The following ANO7 variants were observed in gnomAD, a reference collection of about 807,000 sequenced individuals.
The protein encoded by ANO7 is anoctamin-7.
Under a neutral mutation model 115.8 loss-of-function variants are expected in ANO7, and 114 were observed. The ratio of observed to expected loss-of-function variants is 0.98; its 90% CI spans 0.85 to 1.15. ANO7 has a LOEUF of 1.15. Ranked by LOEUF, ANO7 falls within the 50% of genes most tolerant of loss-of-function variation. The probability of loss-of-function intolerance (pLI) is 0.00; values close to 1 mark genes in which losing one functional copy is unlikely to be tolerated. For synonymous variants in ANO7, 550 were observed against 498.2 expected (o/e 1.10, Z -1.38); for missense variants, 1,302 against 1,201.2 (o/e 1.08, Z -1.24).
intron 21 of ANO7, among the ~76,000 whole-genome samples, chr2:241,221,364 C>T (rs1380948262): frequency 6.6e-6 from 1 of 150,604 alleles, no homozygotes; most frequent in Non-Finnish European, 1.5e-5. Context: ...GCCTGAGCCA[C>T]CTTTCACGCC....
rs1241305781 is a variant in ANO7, at chr2:241,216,217, T to C, written c.1951T>C (p.Phe651Leu). ...DYELVPCEGL[F>L]DEYLEMVLQF... ...TGAGCTTGTGCCCTGTGAGGGTCTG[T>C]TTGACGAGTACCTGGAAATGGGTAG... Residue 651 changes from phenylalanine (F) to leucine (L), a missense_variant, in exon 19 of 25, where the codon TTT (phenylalanine) becomes CTT (leucine). Phe to Leu is a conservative substitution (Grantham distance 22). Transcript: ENST00000674324. 1 of 1,607,678 alleles carries C rather than the reference T, an allele frequency of 6.2e-7. No homozygotes were observed. The highest frequency in any genetic ancestry group is 1.3e-5 in the African/African-American group (1 of 74,596).
At position 241,224,325 on chromosome 2, in the gene ANO7, G is replaced by A. The variant is rs1005162375; in HGVS notation, c.*172G>A. On this transcript the variant is annotated 3_prime_UTR_variant, in exon 25 of 25. Coordinates refer to ENST00000674324, the MANE Select transcript of ANO7 (RefSeq NM_001370694.2). ...CCCAGCGCCGGCTTCTCTCCTCAGA[G>A]CGCCTGTCACTCCATCCCCGGCAGG... 7 of 694,586 alleles carry A rather than the reference G, an allele frequency of 1.0e-5. No homozygotes were observed. Among genetic ancestry groups the A allele is most frequent in the Admixed American group, 2.8e-5 (1 of 35,734 alleles). 43.0% of individuals were successfully genotyped at this position (694,586 alleles called of 1,614,324 possible). A position where few individuals can be genotyped will look rare whatever the true frequency, so the allele number is the denominator to read the frequency against.
intron 22 of ANO7, 52 bp downstream of exon 22, chr2:241,223,328 T>C (rs1226304783): frequency 1.3e-6 from 2 of 1,595,560 alleles, no homozygotes; most frequent in Non-Finnish European, 1.7e-6. Context: ...GCCCCGACCC[T>C]GTGCTTTGCC....
chr2:241,230,630 T>G (rs1250809550), downstream of ANO7: 11 of 804,492 alleles, frequency 1.4e-5, no homozygotes, highest in Admixed American at 9.1e-5. The surrounding 1 kb of genome is among the most constrained non-coding windows in gnomAD (Gnocchi z 5.0). Context: ...TGAGGACAGT[T>G]CCACTGCCAG....
Position 241,209,569 on chromosome 2 carries a change from G to T in ANO7, c.1293G>T (p.Glu431Asp). The T allele has an allele frequency of 6.2e-7, 1 of 1,603,676 alleles. No individual in the cohort carries two copies. Residue 431 changes from glutamate to aspartate, a missense_variant, in exon 13 of 25, where the codon GAG becomes GAT. Physicochemically the swap from Glu to Asp is conservative, Grantham distance 45 (BLOSUM62 2). Coordinates refer to ENST00000674324, the MANE Select transcript of ANO7 (RefSeq NM_001370694.2). ...CGAACCCCATCACGGGTGAGGACGAGCCCTACTTCCCTGAGAGGAGCCGCG... is the reference window on the plus strand; with the variant it reads ...CGAACCCCATCACGGGTGAGGACGATCCCTACTTCCCTGAGAGGAGCCGCG... ...TAPNPITGED[E>D]PYFPERSRAR...
Position 241,224,275 on chromosome 2 carries a change from T to A in ANO7, c.*122T>A. 5 of 1,102,266 alleles carry A rather than the reference T, an allele frequency of 4.5e-6. No homozygotes were observed. Among genetic ancestry groups the A allele is most frequent in the Non-Finnish European group, 5.2e-6 (4 of 765,926 alleles). The allele number at this position is 1,102,266 out of a possible 1,614,324, so 68.3% of individuals were successfully genotyped here. A position where few individuals can be genotyped will look rare whatever the true frequency, so the allele number is the denominator to read the frequency against. ...AACCGCTGGCTGCTGTTGTGCCTCA[T>A]CTCTGGGCACATTGCCTGCTTCCCC... On this transcript the variant is annotated 3_prime_UTR_variant, in exon 25 of 25. Transcript: ENST00000674324.
the ANO7 span, among the ~76,000 whole-genome samples, chr2:241,234,209 C>T: frequency 3.9e-5 from 6 of 152,330 alleles, no homozygotes; most frequent in African/African-American, 1.4e-4. Context: ...GGCTTGGGAC[C>T]ACTTGCGAGG....
intron 2 of ANO7, 107 bp from the exon 3 acceptor site, chr2:241,191,087 G>A (rs953377511): frequency 2.2e-4 from 275 of 1,245,762 alleles, no homozygotes; most frequent in Non-Finnish European, 2.9e-4. Flanking sequence ...GGGGCAGGGC[G>A]GGGACGGGTT....
At chr2:241,233,187 C>T in the ANO7 span, among the ~76,000 whole-genome samples, 5 of 152,270 alleles carry the variant, frequency 3.3e-5, no homozygotes, top group East Asian at 9.7e-4. The surrounding 1 kb of genome is among the most constrained non-coding windows in gnomAD (Gnocchi z 4.3). Flanking sequence ...CAGCAGGATG[C>T]CAGAGCCAGG....
chr2:241,236,570 G>C, the ANO7 span: 8 of 1,602,070 alleles, frequency 5.0e-6, no homozygotes, highest in Non-Finnish European at 6.8e-6. Context: ...GGTGCCTGCT[G>C]ACTGGGCCTT....
chr2:241,200,324 C>G (rs1340751631), intron 6 of ANO7, 99 bp downstream of exon 6: 1 of 1,472,372 alleles, frequency 6.8e-7, no homozygotes. Flanking sequence ...ACTCTCCTCA[C>G]CTGGAGTTTT....
At chr2:241,227,618 A>G (rs137952649), downstream of ANO7, 1,039 of 152,812 alleles carry the variant, frequency 6.8e-3, 7 homozygotes, top group Admixed American at 0.012. Context: ...CTCGCGTCTA[A>G]GACATCAAGC....
intron 21 of ANO7, among the ~76,000 whole-genome samples, chr2:241,221,842 T>TG: frequency 1.3e-5 from 2 of 151,932 alleles, no homozygotes; most frequent in East Asian, 3.9e-4. Context: ...CATGCCCAGC[T>TG]ACTCTTTTAT....
intron 13 of ANO7, 120 bp from the exon 14 acceptor site, chr2:241,210,175 C>T: frequency 1.0e-6 from 1 of 952,724 alleles, no homozygotes. Context: ...AGGGGCCTTC[C>T]TAGAGGTGGC....
intron 22 of ANO7, 98 bp from the exon 23 acceptor site, chr2:241,223,564 C>G: frequency 6.5e-7 from 1 of 1,530,282 alleles, no homozygotes; most frequent in Non-Finnish European, 8.8e-7. Flanking sequence ...CTGACTCCAC[C>G]CACAGCTGGG....
At chr2:241,230,984 C>A in the ANO7 span, 11 of 1,567,434 alleles carry the variant, frequency 7.0e-6, no homozygotes, top group Middle Eastern at 1.7e-4. The surrounding 1 kb of genome is among the most constrained non-coding windows in gnomAD (Gnocchi z 5.0). Flanking sequence ...GGATGCCTTA[C>A]TGGGATTCCC....
the ANO7 span, chr2:241,235,434 G>A: frequency 1.3e-5 from 19 of 1,472,800 alleles, no homozygotes; most frequent in Middle Eastern, 1.8e-4. Flanking sequence ...ACTGGCACTC[G>A]GGAGAGGATG....
rs777662566 is a variant in ANO7, at chr2:241,209,396, C to T, written c.1189C>T (p.Arg397Cys). 112 of 1,584,698 alleles carry T rather than the reference C, an allele frequency of 7.1e-5. 1 individual carries two copies. The East Asian group carries it at 9.5e-4, about 13-fold the overall frequency. Reference protein sequence around the residue: ...WKRKSATLAYRWDCSDYEDTE... With the variant: ...WKRKSATLAYCWDCSDYEDTE... Reference sequence around the variant, plus strand: ...GCGGAAGAGCGCCACGCTGGCCTACCGCTGGGACTGCTCTGACTACGAGGA... The same window carrying T: ...GCGGAAGAGCGCCACGCTGGCCTACTGCTGGGACTGCTCTGACTACGAGGA... The change falls in exon 12 of 25, where the codon CGC becomes TGC. Residue 397 changes from arginine to cysteine, a missense_variant. Physicochemically the swap from Arg to Cys is radical, Grantham distance 180. Transcript: ENST00000674324.
At chr2:241,193,060 G>C (rs1559438386) in intron 3 of ANO7, among the ~76,000 whole-genome samples, 1 of 151,826 alleles carries the variant, frequency 6.6e-6, no homozygotes. Flanking sequence ...TTGGTTGGTT[G>C]GTTTTTTGTT....
Sources: allele counts gnomAD v4.1 joint callset (sites outside exome capture counted in the v4.1 genomes callset), GRCh38; gene constraint gnomAD v4.1.1; non-coding constraint Gnocchi (gnomAD v3.1); transcripts MANE v1.5; gene names NCBI Gene and HGNC (gene_info 2026-07-23, HGNC 2026-07-21).